The following HYDIN variants were observed in gnomAD, a reference collection of about 807,000 sequenced individuals.
HYDIN encodes HYDIN axonemal central pair apparatus protein.
Under a neutral mutation model 403.9 loss-of-function variants are expected in HYDIN, and 132 were observed. The ratio of observed to expected loss-of-function variants is 0.33; its 90% CI spans 0.28 to 0.38. The LOEUF is 0.38. HYDIN is among the 10% of genes least tolerant of loss of function. The pLI, the probability that HYDIN is intolerant of heterozygous loss-of-function variation, is 1.00. For synonymous variants in HYDIN, 1,202 were observed against 1,891.7 expected, an observed-to-expected ratio of 0.64 and a Z score of 9.46; for missense variants, 2,827 against 5,009.5, an observed-to-expected ratio of 0.56 and a Z score of 13.15.
At chr16:70,870,904 A>C (rs900976513) in intron 65 of HYDIN, among the ~76,000 whole-genome samples, 2 of 151,078 alleles carry the variant, frequency 1.3e-5, no homozygotes, top group Admixed American at 1.3e-4. Context: ...GGTGGTGTGC[A>C]TCTGTTGTCC....
Position 70,802,426 on chromosome 16 carries a change from G to A in HYDIN, c.*5154C>T, listed in dbSNP as rs536111545. On this transcript the variant is annotated 3_prime_UTR_variant, in exon 86 of 86. Transcript: ENST00000393567. ...GAGATTAACTTGAGTCGGCCTGACCGAATCAAGTGAGTACTTAAAAGAGAT... is the reference window on the plus strand; with the variant it reads ...GAGATTAACTTGAGTCGGCCTGACCAAATCAAGTGAGTACTTAAAAGAGAT... 2.6e-5 allele frequency: 4 copies of A among 152,318 alleles called. No homozygotes were observed. The East Asian group carries it at 5.8e-4, about 22-fold the overall frequency. The allele number at this position is 152,318 out of a possible 1,614,324, so 9.4% of individuals were successfully genotyped here. A position where few individuals can be genotyped will look rare whatever the true frequency, so the allele number is the denominator to read the frequency against.
intron 1 of HYDIN, 47 bp downstream of exon 1, chr16:71,230,515 C>T: frequency 6.7e-7 from 1 of 1,497,304 alleles, no homozygotes. Context: ...GGTTAGCCCC[C>T]ATGTCCCTCA....
chr16:71,222,228 A>T (rs1464005693), intron 1 of HYDIN, among the ~76,000 whole-genome samples: 1 of 152,240 alleles, frequency 6.6e-6, no homozygotes, highest in African/African-American at 2.4e-5. Flanking sequence ...AAAATTAAAA[A>T]CAAAAACCAT....
At chr16:70,881,279 A>T (rs1299368879) in intron 60 of HYDIN, among the ~76,000 whole-genome samples, 1 of 140,168 alleles carries the variant, frequency 7.1e-6, no homozygotes, top group Non-Finnish European at 1.5e-5. Context: ...TTTAGTACAG[A>T]AGAGGAAGAA....
At position 71,069,259 on chromosome 16, in the gene HYDIN, C is replaced by T. The variant is rs1347767371; in HGVS notation, c.1974+8G>A. 2 of 1,607,926 alleles carry T rather than the reference C, an allele frequency of 1.2e-6. No homozygotes were observed. Among genetic ancestry groups the T allele is most frequent in the Non-Finnish European group, 1.7e-6 (2 of 1,176,080 alleles). ...TAGCTGTGTGTGCAGGAAGGCCATG[C>T]ACTTTACCCTGATAGCAGCAAATCC... On this transcript the variant is annotated splice_region_variant and intron_variant, in intron 14 of 85. Coordinates refer to ENST00000393567, the MANE Select transcript of HYDIN (RefSeq NM_001270974.2).
At chr16:70,840,031 A>C (rs1418347085) in intron 76 of HYDIN, 33 bp downstream of exon 76, 5 of 609,446 alleles carry the variant, frequency 8.2e-6, no homozygotes, top group Admixed American at 3.0e-5. Flanking sequence ...AAGCAGCTAG[A>C]GAATCATTTG....
At chr16:70,879,817 C>G (rs1345196031) in intron 60 of HYDIN, 61 bp from the exon 61 acceptor site, 1 of 631,492 alleles carries the variant, frequency 1.6e-6, no homozygotes, top group Admixed American at 2.8e-5. Flanking sequence ...CAGGCTTACT[C>G]CTTATTTTCA....
At chr16:71,062,620 A>C (rs541571661) in intron 16 of HYDIN, 78 of 274,508 alleles carry the variant, frequency 2.8e-4, no homozygotes, top group African/African-American at 1.5e-3. Flanking sequence ...GGAAAAGGAA[A>C]AGGTCCACTT....
chr16:71,030,458 G>A (rs1179316829), intron 19 of HYDIN, among the ~76,000 whole-genome samples: 1 of 149,806 alleles, frequency 6.7e-6, no homozygotes, highest in African/African-American at 2.5e-5. Context: ...TTTAAGACAG[G>A]GTCTCACTCT....
rs1446374725 is a variant in HYDIN at position 70,840,959 on chromosome 16, T to C, written c.12874-726A>G. 2.0e-5 allele frequency among the ~76,000 whole-genome samples: 3 copies of C among 152,212 alleles called. No homozygotes were observed. In the South Asian group the frequency reaches 6.2e-4, roughly 32 times the overall value. ...TCCTCATAATGTGAATTTTCACAAA[T>C]TGATAATTGATTTCAAATAAATTAT... is the stretch of plus-strand genomic sequence containing the variant. On this transcript the variant is annotated intron_variant, in intron 75 of 85. Transcript: ENST00000393567.
intron 83 of HYDIN, among the ~76,000 whole-genome samples, chr16:70,819,265 A>G (rs1214806792): frequency 6.6e-6 from 1 of 151,990 alleles, no homozygotes; most frequent in African/African-American, 2.4e-5. Flanking sequence ...TTTAAAAACA[A>G]CAATAGCATC....
At position 71,129,663 on chromosome 16, in the gene HYDIN, T is replaced by C. The variant is rs1326381130; in HGVS notation, c.1204A>G (p.Asn402Asp). 1.2e-6 allele frequency: 2 copies of C among 1,614,012 alleles called. No homozygotes were observed. Among genetic ancestry groups the C allele is most frequent in the Non-Finnish European group, 1.7e-6 (2 of 1,180,018 alleles). ...ACCAGGGGCTCCACAGTGAAAACGT[T>C]ATTGAAGAACAGCTTGCTGTCTCCC... is the stretch of plus-strand genomic sequence containing the variant. The part of the protein sequence containing the change: ...VQGDSKLFFN[N>D]VFTVEPLEGD... The change falls in exon 9 of 86, where the codon AAC becomes GAC. Residue 402 changes from asparagine (N) to aspartate (D), a missense_variant. Physicochemically the swap from Asn to Asp is conservative, Grantham distance 23. Coordinates refer to ENST00000393567, the MANE Select transcript of HYDIN (RefSeq NM_001270974.2).
chr16:71,083,768 C>G (rs1236568550), intron 12 of HYDIN, among the ~76,000 whole-genome samples: 6 of 151,454 alleles, frequency 4.0e-5, no homozygotes, highest in South Asian at 2.1e-4. Flanking sequence ...ACTCTCTGTC[C>G]AGCCGAGGTC....
intron 10 of HYDIN, among the ~76,000 whole-genome samples, chr16:71,098,754 AAAG>A: frequency 6.8e-6 from 1 of 147,476 alleles, no homozygotes; most frequent in Non-Finnish European, 1.5e-5. Flanking sequence ...AAAAAAAAAA[AAAG>A]GAGATGTGTT....
chr16:70,834,015 G>A lies in HYDIN; in HGVS notation c.13551C>T (p.Leu4517=), dbSNP rs1235437430. 6.2e-7 allele frequency: 1 copy of A among 1,606,896 alleles called. No homozygotes were observed. Among genetic ancestry groups the A allele is most frequent in the East Asian group, 2.2e-5 (1 of 44,638 alleles). Residue 4517 remains leucine (L), a synonymous_variant, in exon 79 of 86, where the codon CTC becomes CTT. Coordinates refer to ENST00000393567, the MANE Select transcript of HYDIN (RefSeq NM_001270974.2). The part of the protein sequence containing the change: ...ECMGLLRPLF[L]LSGCCQALEI... ...CCAGGGCCTGGCAGCAGCCGCTAAG[G>A]AGGAAGAGGGGGCGCAGGAGCCCCA... is the stretch of plus-strand genomic sequence containing the variant.
intron 45 of HYDIN, among the ~76,000 whole-genome samples, chr16:70,925,163 G>A (rs1435523675): frequency 4.0e-5 from 6 of 149,026 alleles, no homozygotes; most frequent in South Asian, 4.2e-4. Context: ...GCCTCAAAAC[G>A]TTTTTTTCTG....
intron 21 of HYDIN, among the ~76,000 whole-genome samples, 189 bp from the exon 22 acceptor site, chr16:71,020,506 A>T (rs921556452): frequency 6.6e-6 from 1 of 152,002 alleles, no homozygotes; most frequent in Admixed American, 6.6e-5. Context: ...CCCTTGTAGA[A>T]CTTTAGATTA....
intron 36 of HYDIN, among the ~76,000 whole-genome samples, chr16:70,966,052 A>G (rs1030066822): frequency 8.5e-5 from 13 of 152,228 alleles, no homozygotes; most frequent in African/African-American, 3.1e-4. Flanking sequence ...GATACAGGGC[A>G]CAAAGGCCTG....
intron 32 of HYDIN, 68 bp from the exon 33 acceptor site, chr16:70,974,368 A>C: frequency 6.7e-7 from 1 of 1,496,940 alleles, no homozygotes; most frequent in Non-Finnish European, 8.9e-7. Flanking sequence ...GCTCTAGAGA[A>C]AGCCCCCACT....
Sources: allele counts gnomAD v4.1 joint callset (sites outside exome capture counted in the v4.1 genomes callset), GRCh38; gene constraint gnomAD v4.1.1; transcripts MANE v1.5; gene names NCBI Gene and HGNC (gene_info 2026-07-23, HGNC 2026-07-21).